Variants in TBC1D19 observed in about 807,000 individuals in gnomAD.
TBC1D19 encodes the protein TBC1 domain family member 19.
In TBC1D19, 60 loss-of-function variants were observed where a neutral mutation model predicts 89.0. The observed-to-expected ratio is 0.67, with a 90% CI of 0.55 to 0.84. TBC1D19 has a LOEUF of 0.84. Ranked by LOEUF, TBC1D19 falls within the 40% of genes least tolerant of loss-of-function variation. The pLI is 0.00. For synonymous variants in TBC1D19, 189 were observed against 199.7 expected (o/e 0.95, Z 0.45); for missense variants, 500 against 610.8 (o/e 0.82, Z 1.91).
chr4:26,814,829 T>C, the TBC1D19 span, among the ~76,000 whole-genome samples: 2 of 152,310 alleles, frequency 1.3e-5, no homozygotes, highest in African/African-American at 4.8e-5. Flanking sequence ...AAGACCAGCC[T>C]GAGCAACATG....
chr4:26,676,552 T>C (rs1482774042), intron 11 of TBC1D19, among the ~76,000 whole-genome samples: 1 of 151,916 alleles, frequency 6.6e-6, no homozygotes, highest in African/African-American at 2.4e-5. Context: ...ACCCTGACTC[T>C]ACTAAAAATA....
In TBC1D19 at chr4:26,659,715, T is replaced by C. The variant is rs1372937815; in HGVS notation, c.591+8T>C. 3.3e-6 allele frequency: 5 copies of C among 1,522,074 alleles called. No homozygotes were observed. The highest frequency in any genetic ancestry group is 2.3e-5 in the East Asian group (1 of 43,832). 94.3% of individuals were successfully genotyped at this position (1,522,074 alleles called of 1,614,324 possible). A position where few individuals can be genotyped will look rare whatever the true frequency, so the allele number is the denominator to read the frequency against. Reference sequence around the variant, plus strand: ...AAAGACATCCCTGAATTGGTAAGTATAGAAACTTAAAAATAAACATCATTT... The same window carrying C: ...AAAGACATCCCTGAATTGGTAAGTACAGAAACTTAAAAATAAACATCATTT... On this transcript the variant is annotated splice_region_variant and intron_variant, in intron 8 of 20. Coordinates refer to ENST00000264866, the MANE Select transcript of TBC1D19 (RefSeq NM_018317.4).
chr4:26,584,207 A>G lies in TBC1D19; in HGVS notation c.14A>G (p.Glu5Gly). 6.2e-7 allele frequency: 1 copy of G among 1,611,294 alleles called. No individual in the cohort carries two copies. Among genetic ancestry groups the G allele is most frequent in the African/African-American group, 1.3e-5 (1 of 75,034 alleles). The change falls in exon 1 of 21, where the codon GAG becomes GGG. Residue 5 changes from glutamate to glycine, a missense_variant. Coordinates refer to ENST00000264866, the MANE Select transcript of TBC1D19 (RefSeq NM_018317.4). MLQE[E>G]SDLSLIIAQI... ...AGGGCAGGGGAAATGTTGCAGGAGG[A>G]GTCGGACCTCTCTCTCATTATTGCC...
intron 15 of TBC1D19, among the ~76,000 whole-genome samples, chr4:26,730,447 G>T (rs1046635128): frequency 6.6e-6 from 1 of 152,102 alleles, no homozygotes; most frequent in Non-Finnish European, 1.5e-5. Flanking sequence ...CATTGGTATT[G>T]TTCCCACTTG....
chr4:26,696,280 A>G (rs1001470961), intron 13 of TBC1D19, among the ~76,000 whole-genome samples: 2 of 152,264 alleles, frequency 1.3e-5, no homozygotes, highest in African/African-American at 4.8e-5. Context: ...ACATAATGGT[A>G]AAGGGATCAA....
downstream of TBC1D19, among the ~76,000 whole-genome samples, chr4:26,759,999 T>C (rs1404236508): frequency 6.6e-6 from 1 of 152,204 alleles, no homozygotes; most frequent in African/African-American, 2.4e-5. Context: ...CTGGGTTATG[T>C]GTAAGCACGT....
intron 17 of TBC1D19, chr4:26,740,531 A>G: frequency 1.9e-6 from 1 of 527,486 alleles, no homozygotes; most frequent in Non-Finnish European, 2.4e-6. Context: ...CAATAAAATG[A>G]TCCTTTGGCC....
chr4:26,831,731 T>C, the TBC1D19 span, among the ~76,000 whole-genome samples: 1 of 151,868 alleles, frequency 6.6e-6, no homozygotes, highest in African/African-American at 2.4e-5. Flanking sequence ...TACAGGTGCA[T>C]AGGTGCATGC....
chr4:26,706,638 A>G (rs1361690337), intron 13 of TBC1D19, among the ~76,000 whole-genome samples: 1 of 151,628 alleles, frequency 6.6e-6, no homozygotes, highest in African/African-American at 2.4e-5. Context: ...TTGATTTGAA[A>G]CCTTTCTTGT....
chr4:26,769,283 G>T, the TBC1D19 span, among the ~76,000 whole-genome samples: 1 of 151,988 alleles, frequency 6.6e-6, no homozygotes, highest in South Asian at 2.1e-4. Flanking sequence ...TGCCTCGAAA[G>T]AAATGGTAAA....
the TBC1D19 span, among the ~76,000 whole-genome samples, chr4:26,767,284 A>G: frequency 7.4e-4 from 112 of 152,354 alleles, no homozygotes; most frequent in Admixed American, 1.8e-3. Flanking sequence ...TGCAATAAAC[A>G]ACCTGAATAA....
At chr4:26,696,272 A>G (rs1048887519) in intron 13 of TBC1D19, among the ~76,000 whole-genome samples, 3 of 152,248 alleles carry the variant, frequency 2.0e-5, no homozygotes, top group African/African-American at 2.4e-5. Context: ...AGGCCATTAC[A>G]TAATGGTAAA....
intron 1 of TBC1D19, among the ~76,000 whole-genome samples, chr4:26,596,157 A>G (rs1433981481): frequency 6.6e-6 from 1 of 152,026 alleles, no homozygotes; most frequent in African/African-American, 2.4e-5. Flanking sequence ...GGGTTTTGCC[A>G]TGTTGGCCAG....
chr4:26,683,080 A>G (rs1455154851), intron 11 of TBC1D19, among the ~76,000 whole-genome samples: 4 of 152,074 alleles, frequency 2.6e-5, no homozygotes, highest in African/African-American at 9.7e-5. Flanking sequence ...TTAAAAGCTG[A>G]CTTTATATCC....
At chr4:26,658,972 A>G (rs994225634) in intron 7 of TBC1D19, among the ~76,000 whole-genome samples, 6 of 152,192 alleles carry the variant, frequency 3.9e-5, no homozygotes, top group African/African-American at 1.2e-4. Flanking sequence ...TATCAGCCTA[A>G]GGAGATTTTG....
chr4:26,811,713 A>G, the TBC1D19 span, among the ~76,000 whole-genome samples: 1 of 152,216 alleles, frequency 6.6e-6, no homozygotes, highest in Non-Finnish European at 1.5e-5. Context: ...ATGATATGCT[A>G]AACAAGGAGT....
At chr4:26,814,303 T>A in the TBC1D19 span, among the ~76,000 whole-genome samples, 9 of 152,314 alleles carry the variant, frequency 5.9e-5, no homozygotes, top group East Asian at 1.7e-3. Flanking sequence ...TGTGCGGTGA[T>A]AATAAACAAA....
chr4:26,771,055 C>T, the TBC1D19 span, among the ~76,000 whole-genome samples: 1 of 151,804 alleles, frequency 6.6e-6, no homozygotes. Context: ...TATTAAAAAA[C>T]TAAAAGACAT....
chr4:26,811,259 A>T, the TBC1D19 span, among the ~76,000 whole-genome samples: 3 of 152,374 alleles, frequency 2.0e-5, no homozygotes, highest in African/African-American at 7.2e-5. Context: ...ACAGGAACAG[A>T]AAACCAAACA....
Sources: gnomAD v4.1 joint callset for allele counts (sites outside exome capture counted in the v4.1 genomes callset) on GRCh38, gnomAD v4.1.1 for gene constraint, MANE v1.5 for transcripts, NCBI Gene and HGNC (gene_info 2026-07-23, HGNC 2026-07-21) for gene names.